Variants in EML5 observed in about 807,000 individuals in gnomAD.
EML5 encodes EMAP like 5.
EML5 carries 120 observed loss-of-function variants against 250.0 expected under a neutral mutation model. The observed-to-expected ratio is 0.48, with a 90% confidence interval of 0.41 to 0.56. The LOEUF is 0.56. Among genes scored for constraint, EML5 ranks in the 20% least tolerant of loss-of-function variants. EML5 has a pLI of 0.00. For missense variants in EML5, 2,006 were observed against 2,437.6 expected (o/e 0.82, Z 3.73); for synonymous variants, 771 against 806.5 (o/e 0.96, Z 0.75).
chr14:88,702,652 ATATATAATT>A lies in EML5; in HGVS notation c.2052-29_2052-21del. The A allele has an allele frequency of 6.7e-7, 1 of 1,493,610 alleles. No homozygotes were observed. The highest frequency in any genetic ancestry group is 2.6e-5 in the East Asian group (1 of 39,018). 92.5% of individuals were successfully genotyped at this position (1,493,610 alleles called of 1,614,324 possible). The stretch of plus-strand genomic sequence containing the variant: ...CTGTAACTAATATAGAAAACAAATC[ATATATAATT>A]AATTTTGGCCTTTTATCTGATCAAT... On this transcript the variant is annotated intron_variant, in intron 13 of 43. Coordinates refer to ENST00000554922, the MANE Select transcript of EML5 (RefSeq NM_183387.3).
intron 1 of EML5, among the ~76,000 whole-genome samples, chr14:88,761,619 C>T (rs1222920820): frequency 6.6e-6 from 1 of 152,112 alleles, no homozygotes; most frequent in African/African-American, 2.4e-5. Flanking sequence ...GGGTTGGTTC[C>T]AAGTCTTTGC....
At chr14:88,746,102 A>G in intron 3 of EML5, 83 bp downstream of exon 3, 1 of 1,119,230 alleles carries the variant, frequency 8.9e-7, no homozygotes, top group Admixed American at 2.3e-5. Context: ...CAATAACAAA[A>G]TACAGAAGAA....
rs189004031 is a variant in EML5 at position 88,770,570 on chromosome 14, T to A, written c.198-15899A>T. 3.0e-3 allele frequency among the ~76,000 whole-genome samples: 455 copies of A among 152,260 alleles called. 6 individuals are homozygous for A. The highest frequency in any genetic ancestry group is 0.011 in the African/African-American group (448 of 41,560). ...TCCAGTACACAAGCAGCAGGATTAA[T>A]ATTGGATAGGAGCTGAATGTATTGC... On this transcript the variant is annotated intron_variant, in intron 1 of 43. Transcript: ENST00000554922.
chr14:88,790,843 T>C (rs10141775), intron 1 of EML5, among the ~76,000 whole-genome samples: 48,425 of 151,978 alleles, frequency 0.32, 7,977 homozygotes, highest in Non-Finnish European at 0.37. Flanking sequence ...TTACTACGGG[T>C]TTACTTTAGT....
At chr14:88,687,110 C>A in intron 19 of EML5, 106 bp downstream of exon 19, 1 of 843,334 alleles carries the variant, frequency 1.2e-6, no homozygotes, top group South Asian at 1.7e-5. Flanking sequence ...TGATGCCCAA[C>A]AAGACGGAAA....
rs1230769668 is a variant in EML5 at position 88,736,532 on chromosome 14, T to C, written c.881A>G (p.Asp294Gly). 6.8e-6 allele frequency: 11 copies of C among 1,613,798 alleles called. No individual in the cohort carries two copies. The East Asian group carries it at 2.2e-4, about 33-fold the overall frequency. Reference sequence around the variant, plus strand: ...GTCCTGTGTTCCAACTAGAATGTGGTCACCTCGCCAACACACACTCCTTAC... The same window carrying C: ...GTCCTGTGTTCCAACTAGAATGTGGCCACCTCGCCAACACACACTCCTTAC... ...LSVRSVCWRGDHILVGTQDSE... is the reference protein window; with the variant it reads ...LSVRSVCWRGGHILVGTQDSE... Residue 294 changes from aspartate (D) to glycine (G), a missense_variant, in exon 7 of 44, where the codon GAC becomes GGC. Around this residue, in one of 7 missense-constraint regions of EML5, gnomAD observed 1,375 missense variants for 1,590.3 expected, o/e 0.86. Transcript: ENST00000554922.
At chr14:88,703,318 G>A (rs1309440293) in intron 13 of EML5, among the ~76,000 whole-genome samples, 1 of 152,178 alleles carries the variant, frequency 6.6e-6, no homozygotes, top group Non-Finnish European at 1.5e-5. Flanking sequence ...ACTATCTGCA[G>A]AGAGGGGAAA....
At chr14:88,641,983 A>C (rs1396555482) in intron 31 of EML5, among the ~76,000 whole-genome samples, 1 of 152,158 alleles carries the variant, frequency 6.6e-6, no homozygotes, top group African/African-American at 2.4e-5. Flanking sequence ...GTATGTTTTA[A>C]ATGGCCCAAA....
At chr14:88,656,735 T>C (rs2091887016) in intron 27 of EML5, among the ~76,000 whole-genome samples, 1 of 129,898 alleles carries the variant, frequency 7.7e-6, no homozygotes, top group Non-Finnish European at 1.5e-5. Flanking sequence ...TTTAGAAAAT[T>C]TTTGAAATGA....
At chr14:88,661,958 G>C (rs2092116362) in intron 24 of EML5, 128 bp from the exon 25 acceptor site, 1 of 874,492 alleles carries the variant, frequency 1.1e-6, no homozygotes, top group Non-Finnish European at 1.7e-6. Flanking sequence ...TGAAAAAATA[G>C]TTAAATTATT....
intron 1 of EML5, among the ~76,000 whole-genome samples, chr14:88,780,683 C>A (rs1237172554): frequency 6.6e-6 from 1 of 152,150 alleles, no homozygotes; most frequent in African/African-American, 2.4e-5. Flanking sequence ...TCAGGCAATT[C>A]TTGTGCCTCA....
chr14:88,621,414 T>A, intron 37 of EML5, 113 bp from the exon 38 acceptor site: 2 of 1,256,990 alleles, frequency 1.6e-6, no homozygotes, highest in Non-Finnish European at 2.3e-6. Context: ...TGCTTTGAGC[T>A]AATCTAGTAG....
At chr14:88,772,389 G>C (rs746609907) in intron 1 of EML5, among the ~76,000 whole-genome samples, 2 of 152,118 alleles carry the variant, frequency 1.3e-5, no homozygotes, top group African/African-American at 2.4e-5. Context: ...ATTTACCTCG[G>C]TAAAAACCCA....
At chr14:88,733,854 G>T (rs2093798113) in intron 7 of EML5, among the ~76,000 whole-genome samples, 1 of 152,108 alleles carries the variant, frequency 6.6e-6, no homozygotes, top group Non-Finnish European at 1.5e-5. Context: ...TGTACTGGAA[G>T]AATATATTGA....
chr14:88,652,676 C>T (rs2091686450), intron 27 of EML5, among the ~76,000 whole-genome samples: 1 of 152,132 alleles, frequency 6.6e-6, no homozygotes, highest in Admixed American at 6.6e-5. Flanking sequence ...TTCTCACCTC[C>T]CACTCCCTCT....
At chr14:88,686,475 G>T (rs1010579752) in intron 19 of EML5, among the ~76,000 whole-genome samples, 1 of 151,938 alleles carries the variant, frequency 6.6e-6, no homozygotes, top group East Asian at 1.9e-4. Context: ...GATGGTCGGC[G>T]GACAGGGAGT....
chr14:88,675,969 A>T (rs1276169907), intron 21 of EML5, among the ~76,000 whole-genome samples: 1 of 152,114 alleles, frequency 6.6e-6, no homozygotes, highest in African/African-American at 2.4e-5. Context: ...CCTCATCTCC[A>T]TCTGAGACCA....
chr14:88,777,969 T>C (rs1448412995), intron 1 of EML5, among the ~76,000 whole-genome samples: 1 of 152,234 alleles, frequency 6.6e-6, no homozygotes, highest in African/African-American at 2.4e-5. Context: ...AGTGACATCC[T>C]GTCTCAAAAA....
rs377569250 is a variant in EML5 at position 88,755,724 on chromosome 14, G to A, written c.198-1053C>T. Among the ~76,000 whole-genome samples the A allele has an allele frequency of 3.7e-4, 57 of 152,214 alleles. 1 individual carries two copies. The South Asian group carries it at 9.5e-3, about 25-fold the overall frequency. On this transcript the variant is annotated intron_variant, in intron 1 of 43. Coordinates refer to ENST00000554922, the MANE Select transcript of EML5 (RefSeq NM_183387.3). ...AAACAGAATCAAGGCTGGGTGTAGC[G>A]GCTCATGCCTATAATATCAGTGCTT...
Sources: allele counts gnomAD v4.1 joint callset (sites outside exome capture counted in the v4.1 genomes callset), GRCh38; gene constraint gnomAD v4.1.1; regional missense constraint gnomAD v4.1.1; transcripts MANE v1.5; gene names NCBI Gene and HGNC (gene_info 2026-07-23, HGNC 2026-07-21).